Variants in USP3 observed in about 807,000 individuals in gnomAD.
The protein encoded by USP3 is ubiquitin specific peptidase 3.
In USP3, 20 loss-of-function variants were observed where a neutral mutation model predicts 72.3. The ratio of observed to expected loss-of-function variants is 0.28; its 90% CI spans 0.19 to 0.40. The LOEUF is 0.40. Among genes scored for constraint, USP3 ranks in the 10% least tolerant of loss-of-function variants. The probability of loss-of-function intolerance (pLI) is 1.00; values close to 1 mark genes in which losing one functional copy is unlikely to be tolerated. For missense variants in USP3, 479 were observed against 633.9 expected (o/e 0.76, Z 2.62); for synonymous variants, 222 against 225.3 (o/e 0.99, Z 0.13).
rs1243562867 is a variant in USP3 at position 63,574,714 on chromosome 15, C to T, written c.1096+311C>T. Among the ~76,000 whole-genome samples the T allele has an allele frequency of 1.3e-5, 2 of 152,152 alleles. No individual in the cohort carries two copies. Among genetic ancestry groups the T allele is most frequent in the Non-Finnish European group, 2.9e-5 (2 of 68,024 alleles). ...AACAGAAGTTATTCTGTGGTTATCC[C>T]ACTAGCATCTATAGGAAGAAAGAAT... On this transcript the variant is annotated intron_variant, in intron 11 of 14. Coordinates refer to ENST00000380324, the MANE Select transcript of USP3 (RefSeq NM_006537.4). This position sits in a 1 kb window ranked among gnomAD's most constrained non-coding sequence, Gnocchi z 4.6.
At chr15:63,573,930 A>G in intron 9 of USP3, 116 bp from the exon 10 acceptor site, 1 of 537,276 alleles carries the variant, frequency 1.9e-6, no homozygotes, top group Non-Finnish European at 3.0e-6. Context: ...TAAATGACTT[A>G]AATATTCCCT....
chr15:63,577,476 G>T (rs1375855104), intron 11 of USP3, among the ~76,000 whole-genome samples: 1 of 152,156 alleles, frequency 6.6e-6, no homozygotes, highest in African/African-American at 2.4e-5. Flanking sequence ...AGAAAAGAAG[G>T]CCGGGCGTGG....
chr15:63,560,491 G>A (rs990698094), intron 7 of USP3, among the ~76,000 whole-genome samples: 1 of 151,372 alleles, frequency 6.6e-6, no homozygotes, highest in Non-Finnish European at 1.5e-5. Context: ...TCTACTTATT[G>A]ACTCTGCAGA....
intron 14 of USP3, 95 bp downstream of exon 14, chr15:63,589,106 A>C: frequency 7.1e-7 from 1 of 1,405,740 alleles, no homozygotes. Flanking sequence ...TCTTCCTAAA[A>C]AATGGATTCA....
chr15:63,576,784 C>T (rs747574285), intron 11 of USP3, among the ~76,000 whole-genome samples: 6 of 152,288 alleles, frequency 3.9e-5, no homozygotes, highest in East Asian at 1.9e-4. Flanking sequence ...AGCTTATTGT[C>T]GGCTTTAAAA....
chr15:63,542,257 T>C (rs1221011910), intron 3 of USP3: 14 of 916,908 alleles, frequency 1.5e-5, no homozygotes, highest in African/African-American at 1.8e-5. Flanking sequence ...AATTGAGCAA[T>C]TGAATGTGGC....
chr15:63,566,623 C>G (rs963997152), intron 8 of USP3, among the ~76,000 whole-genome samples: 5 of 152,066 alleles, frequency 3.3e-5, no homozygotes, highest in African/African-American at 1.2e-4. Context: ...ACGTGTGATA[C>G]TTTAATTAAA....
intron 1 of USP3, among the ~76,000 whole-genome samples, chr15:63,532,071 C>A (rs925724231): frequency 1.3e-5 from 2 of 152,252 alleles, no homozygotes; most frequent in Middle Eastern, 3.4e-3. Flanking sequence ...GCCTTCCCCA[C>A]CACTATAATA....
Position 63,588,980 on chromosome 15 carries a change from C to G in USP3, c.1366C>G (p.Leu456Val). The G allele has an allele frequency of 6.2e-7, 1 of 1,613,910 alleles. No individual in the cohort carries two copies. The highest frequency in any genetic ancestry group is 8.5e-7 in the Non-Finnish European group (1 of 1,180,036). Residue 456 changes from leucine (L) to valine (V), a missense_variant, in exon 14 of 15, where the codon CTC (leucine) becomes GTC (valine). Coordinates refer to ENST00000380324, the MANE Select transcript of USP3 (RefSeq NM_006537.4). The surrounding 1 kb of genome is among the most constrained non-coding windows in gnomAD (Gnocchi z 4.6). ...TGGCCCGGAGAGCTGCCTGTATGAC[C>G]TCGCCGCTGTGGTGGTGCACCATGG... ...NSGPESCLYD[L>V]AAVVVHHGSG...
intron 1 of USP3, among the ~76,000 whole-genome samples, chr15:63,512,079 C>T (rs2065790803): frequency 6.6e-6 from 1 of 151,590 alleles, no homozygotes; most frequent in African/African-American, 2.4e-5. Flanking sequence ...CCTCAGCCTC[C>T]TGAGTGGCTG....
At chr15:63,526,544 A>C (rs2065984642) in intron 1 of USP3, among the ~76,000 whole-genome samples, 1 of 152,228 alleles carries the variant, frequency 6.6e-6, no homozygotes, top group Non-Finnish European at 1.5e-5. Context: ...TGGGTTGCTA[A>C]TATTTTTAGA....
rs574398302 is a variant in USP3 at position 63,519,232 on chromosome 15, C to G, written c.92-13415C>G. On this transcript the variant is annotated intron_variant, in intron 1 of 14. Coordinates refer to ENST00000380324, the MANE Select transcript of USP3 (RefSeq NM_006537.4). ...GTTTACCTCCCCAGCCACCCTGGAT[C>G]TAATCCAGGATCATGTGTTATATTT... is the stretch of plus-strand genomic sequence containing the variant. Among the ~76,000 whole-genome samples the G allele has an allele frequency of 1.6e-4, 25 of 152,280 alleles. No homozygotes were observed. In the East Asian group the frequency reaches 4.8e-3, roughly 29 times the overall value.
intron 1 of USP3, among the ~76,000 whole-genome samples, chr15:63,506,158 C>T (rs980316847): frequency 2.0e-5 from 3 of 152,288 alleles, no homozygotes; most frequent in South Asian, 2.1e-4. Flanking sequence ...ATTGGTTTCA[C>T]AGAGCAGTAT....
rs1356738850 is a variant in USP3, at chr15:63,529,710, A to G, written c.92-2937A>G. Among the ~76,000 whole-genome samples, 1 of 152,232 alleles carries G rather than the reference A, an allele frequency of 6.6e-6. No homozygotes were observed. Among genetic ancestry groups the G allele is most frequent in the Non-Finnish European group, 1.5e-5 (1 of 68,034 alleles). ...GGTTTACAACCCTAAAGTGAGGAAG[A>G]AAGGAACACTTGGTAGGAAACATAC... On this transcript the variant is annotated intron_variant, in intron 1 of 14. Coordinates refer to ENST00000380324, the MANE Select transcript of USP3 (RefSeq NM_006537.4). The surrounding 1 kb of genome is among the most constrained non-coding windows in gnomAD (Gnocchi z 4.2).
At chr15:63,536,464 A>T (rs1367017858) in intron 2 of USP3, among the ~76,000 whole-genome samples, 7 of 151,928 alleles carry the variant, frequency 4.6e-5, no homozygotes, top group Non-Finnish European at 1.0e-4. Flanking sequence ...GAAAAAAAAA[A>T]AAAGCTATAG....
At chr15:63,512,356 T>C (rs12915297) in intron 1 of USP3, among the ~76,000 whole-genome samples, 28 of 43,352 alleles carry the variant, frequency 6.5e-4, no homozygotes, top group Admixed American at 9.6e-4. Flanking sequence ...CCTCTTCCTC[T>C]TCTTCTTCTT....
At chr15:63,578,376 G>C (rs566986931) in intron 11 of USP3, among the ~76,000 whole-genome samples, 1 of 151,958 alleles carries the variant, frequency 6.6e-6, no homozygotes. Flanking sequence ...AGGCCGAGGC[G>C]GGTGGATCAC....
rs1451545043 is a variant in USP3 at position 63,591,090 on chromosome 15, T to G, written c.*264T>G. 2 of 333,832 alleles carry G rather than the reference T, an allele frequency of 6.0e-6. No homozygotes were observed. Among genetic ancestry groups the G allele is most frequent in the Non-Finnish European group, 1.1e-5 (2 of 185,314 alleles). 20.7% of individuals were successfully genotyped at this position (333,832 alleles called of 1,614,324 possible). Reference sequence around the variant, plus strand: ...AGGTAGTTGTAAGAACTTAGTCTTATTTGACTTTTTTATTTTATGTTAATG... The same window carrying G: ...AGGTAGTTGTAAGAACTTAGTCTTAGTTGACTTTTTTATTTTATGTTAATG... On this transcript the variant is annotated 3_prime_UTR_variant, in exon 15 of 15. Transcript: ENST00000380324.
rs1183656365 is a variant in USP3, at chr15:63,570,021, TA to T, written c.762-411del. Reference sequence around the variant, plus strand: ...TTCTAGTGAGGGTAAGAGGTGAAGCTATGACATTGGAGCATCTTCTAGAGAG... The same window carrying T: ...TTCTAGTGAGGGTAAGAGGTGAAGCTTGACATTGGAGCATCTTCTAGAGAG... On this transcript the variant is annotated intron_variant, in intron 8 of 14. Transcript: ENST00000380324. This position sits in a 1 kb window ranked among gnomAD's most constrained non-coding sequence, Gnocchi z 4.4. Among the ~76,000 whole-genome samples, 6 of 152,148 alleles carry T rather than the reference TA, an allele frequency of 3.9e-5. No homozygotes were observed. Among genetic ancestry groups the T allele is most frequent in the Admixed American group, 2.0e-4 (3 of 15,264 alleles).
Sources: gnomAD v4.1 joint callset for allele counts (sites outside exome capture counted in the v4.1 genomes callset) on GRCh38, gnomAD v4.1.1 for gene constraint, Gnocchi (gnomAD v3.1) non-coding constraint, MANE v1.5 for transcripts, NCBI Gene and HGNC (gene_info 2026-07-23, HGNC 2026-07-21) for gene names.